SLC25A21: variants seen among roughly 807,000 people sequenced by gnomAD.
SLC25A21 encodes mitochondrial 2-oxodicarboxylate carrier.
A neutral mutation model predicts 43.8 loss-of-function variants in SLC25A21; 47 were observed. That is an observed-to-expected ratio of 1.07 (90% CI 0.85 to 1.37). The LOEUF (loss-of-function observed/expected upper bound fraction) is 1.37, where lower values mean the gene tolerates loss of function less well. Ranked by LOEUF, SLC25A21 falls within the 40% of genes most tolerant of loss-of-function variation. The pLI is 0.00. For synonymous variants in SLC25A21, 131 were observed against 121.3 expected, an observed-to-expected ratio of 1.08 and a Z score of -0.52; for missense variants, 352 against 350.2, an observed-to-expected ratio of 1.00 and a Z score of -0.04.
chr14:36,983,843 C>A (rs1960085514), intron 1 of SLC25A21, among the ~76,000 whole-genome samples: 1 of 152,092 alleles, frequency 6.6e-6, no homozygotes, highest in Admixed American at 6.5e-5. Flanking sequence ...TTTGCAGTAA[C>A]ATGGATGGAG....
intron 1 of SLC25A21, among the ~76,000 whole-genome samples, chr14:37,062,094 A>G (rs923173550): frequency 3.3e-5 from 5 of 152,232 alleles, no homozygotes; most frequent in African/African-American, 7.2e-5. Flanking sequence ...GGCAGTCTAA[A>G]TAAAACACTG....
chr14:37,172,082 T>C, intron 1 of SLC25A21, 199 bp downstream of exon 1: 1 of 566,866 alleles, frequency 1.8e-6, no homozygotes, highest in Non-Finnish European at 3.1e-6. Flanking sequence ...GCAACTTTAC[T>C]TGGGGCACCC....
chr14:37,145,391 G>T (rs1292119346), intron 1 of SLC25A21, among the ~76,000 whole-genome samples: 1 of 150,828 alleles, frequency 6.6e-6, no homozygotes, highest in African/African-American at 2.4e-5. Context: ...TGTGTGCCCA[G>T]ATTTACCTCT....
At chr14:36,960,091 G>A (rs1959451958) in intron 1 of SLC25A21, among the ~76,000 whole-genome samples, 1 of 152,166 alleles carries the variant, frequency 6.6e-6, no homozygotes, top group Admixed American at 6.5e-5. Context: ...GTCCATGGAT[G>A]TATCTTTTTG....
At chr14:37,096,162 G>C (rs1372747924) in intron 1 of SLC25A21, among the ~76,000 whole-genome samples, 3 of 152,062 alleles carry the variant, frequency 2.0e-5, no homozygotes, top group Admixed American at 6.6e-5. Context: ...AACAGGTACA[G>C]AGAGGAAAAA....
chr14:36,764,551 C>CAAAA (rs1566588935), intron 3 of SLC25A21, among the ~76,000 whole-genome samples: 3 of 126,592 alleles, frequency 2.4e-5, no homozygotes, highest in African/African-American at 8.8e-5. Flanking sequence ...AAAAAAAAAG[C>CAAAA]CAAAACAAAA....
intron 1 of SLC25A21, among the ~76,000 whole-genome samples, chr14:36,948,460 A>G (rs1892726506): frequency 1.3e-5 from 2 of 152,216 alleles, no homozygotes; most frequent in African/African-American, 4.8e-5. Context: ...CTGTAGTAAT[A>G]AGCAGAGAAC....
rs200379840 is a variant in SLC25A21 at position 36,731,522 on chromosome 14, GT to G, written c.271-1957del. 3.9e-4 allele frequency among the ~76,000 whole-genome samples: 60 copies of G among 152,224 alleles called. No individual in the cohort carries two copies. In the East Asian group the frequency reaches 0.011, roughly 29 times the overall value. ...CAAGTAAGACTTTTGAAAAATCTTA[GT>G]TTTTATTCCCTGTAACTTAGGTTAC... On this transcript the variant is annotated intron_variant, in intron 4 of 9. Coordinates refer to ENST00000331299, the MANE Select transcript of SLC25A21 (RefSeq NM_030631.4).
intron 1 of SLC25A21, among the ~76,000 whole-genome samples, chr14:36,994,513 G>C (rs1960330323): frequency 6.6e-6 from 1 of 152,166 alleles, no homozygotes; most frequent in Non-Finnish European, 1.5e-5. Flanking sequence ...CCTTCTGTCT[G>C]CAGTTGGACC....
intron 2 of SLC25A21, among the ~76,000 whole-genome samples, chr14:36,858,033 T>C (rs900972402): frequency 2.6e-5 from 4 of 152,232 alleles, no homozygotes; most frequent in Non-Finnish European, 5.9e-5. Flanking sequence ...CATTAGTCAT[T>C]TGTGGTTGAC....
intron 1 of SLC25A21, among the ~76,000 whole-genome samples, chr14:37,060,379 CTAATAATAATAATAATAA>C (rs71124787): frequency 9.4e-5 from 13 of 138,108 alleles, no homozygotes; most frequent in African/African-American, 1.6e-4. Flanking sequence ...ACTCTACTCT[CTAATAATAATAATAATAA>C]TAATAATAAT....
At chr14:37,147,839 C>CTT (rs1566913739) in intron 1 of SLC25A21, among the ~76,000 whole-genome samples, 3 of 42,576 alleles carry the variant, frequency 7.0e-5, no homozygotes, top group Admixed American at 4.4e-4. Flanking sequence ...TCTTTTTTTT[C>CTT]TTTTCTTTTT....
intron 7 of SLC25A21, among the ~76,000 whole-genome samples, chr14:36,704,130 T>C (rs1174929831): frequency 6.6e-6 from 1 of 152,088 alleles, no homozygotes; most frequent in East Asian, 1.9e-4. Context: ...TGAAAGAACA[T>C]AACATAGGGC....
chr14:37,156,885 T>A (rs755366756), intron 1 of SLC25A21, among the ~76,000 whole-genome samples: 1 of 152,090 alleles, frequency 6.6e-6, no homozygotes, highest in East Asian at 1.9e-4. Context: ...ACACAAAATA[T>A]CAACAAAGAA....
chr14:36,941,069 C>T (rs1892544559), intron 1 of SLC25A21, among the ~76,000 whole-genome samples: 1 of 151,976 alleles, frequency 6.6e-6, no homozygotes, highest in African/African-American at 2.4e-5. Context: ...ATTATATCTA[C>T]ATAGGTCCGG....
chr14:36,974,161 G>A (rs1959817239), intron 1 of SLC25A21, among the ~76,000 whole-genome samples: 1 of 152,210 alleles, frequency 6.6e-6, no homozygotes, highest in South Asian at 2.1e-4. Flanking sequence ...TGTTTTTCCA[G>A]TGTTACATAA....
chr14:36,888,578 T>C (rs991505823), intron 1 of SLC25A21, among the ~76,000 whole-genome samples: 3 of 152,116 alleles, frequency 2.0e-5, no homozygotes, highest in African/African-American at 7.2e-5. Context: ...GTGAGATATG[T>C]AATGTGTCCA....
chr14:37,059,367 G>C (rs776906442), intron 1 of SLC25A21, among the ~76,000 whole-genome samples: 2 of 152,156 alleles, frequency 1.3e-5, no homozygotes, highest in Non-Finnish European at 2.9e-5. Context: ...AACCCAAAGA[G>C]TCTGGTAACC....
intron 1 of SLC25A21, among the ~76,000 whole-genome samples, chr14:37,013,596 A>G (rs1455863148): frequency 6.6e-6 from 1 of 152,114 alleles, no homozygotes; most frequent in Non-Finnish European, 1.5e-5. Flanking sequence ...CAAAAACTAC[A>G]CCTAATATTT....
Sources: allele counts gnomAD v4.1 joint callset (sites outside exome capture counted in the v4.1 genomes callset), GRCh38; gene constraint gnomAD v4.1.1; transcripts MANE v1.5; gene names NCBI Gene and HGNC (gene_info 2026-07-23, HGNC 2026-07-21).